CYP3A5: variants seen among roughly 807,000 people sequenced by gnomAD.
The protein encoded by CYP3A5 is cytochrome P450 family 3 subfamily A member 5.
Under a neutral mutation model 55.9 loss-of-function variants are expected in CYP3A5, and 51 were observed. That is an observed-to-expected ratio of 0.91 (90% CI 0.73 to 1.15). The LOEUF is 1.15. CYP3A5 is among the 50% of genes most tolerant of loss of function. CYP3A5 has a pLI of 0.00. For missense variants in CYP3A5, 533 were observed against 596.6 expected, an observed-to-expected ratio of 0.89 and a Z score of 1.11; for synonymous variants, 196 against 213.9, an observed-to-expected ratio of 0.92 and a Z score of 0.73.
At chr7:99,659,249 G>A (rs1395552007) in intron 10 of CYP3A5, 1 of 152,222 alleles carries the variant, frequency 6.6e-6, no homozygotes, top group East Asian at 1.9e-4. Flanking sequence ...GTACAGATGG[G>A]TTTTGGTGTG....
intron 6 of CYP3A5, among the ~76,000 whole-genome samples, chr7:99,665,945 C>T (rs1468496008): frequency 3.4e-4 from 51 of 152,154 alleles, no homozygotes; most frequent in Admixed American, 3.3e-3. Context: ...TAGATCTCTC[C>T]AACATTGATT....
At chr7:99,674,667 C>G in intron 2 of CYP3A5, 82 bp from the exon 3 acceptor site, 1 of 1,196,950 alleles carries the variant, frequency 8.4e-7, no homozygotes, top group African/African-American at 1.5e-5. Context: ...AAAACAGTTG[C>G]GTCCAATGAA....
intron 10 of CYP3A5, chr7:99,660,013 C>G (rs981892088): frequency 5.8e-6 from 1 of 171,338 alleles, no homozygotes; most frequent in Admixed American, 6.5e-5. Context: ...TTGCACTTCC[C>G]AGGTGAGGTG....
chr7:99,650,640 G>A (rs941684887), intron 11 of CYP3A5, among the ~76,000 whole-genome samples: 1 of 152,126 alleles, frequency 6.6e-6, no homozygotes, highest in Non-Finnish European at 1.5e-5. Flanking sequence ...AGGAGAAAAC[G>A]TCTTGTGCTA....
chr7:99,651,533 C>T (rs962259326), intron 11 of CYP3A5, among the ~76,000 whole-genome samples: 3 of 152,130 alleles, frequency 2.0e-5, no homozygotes, highest in Non-Finnish European at 4.4e-5. Flanking sequence ...ACTTGGTCAG[C>T]TCTGACTTAC....
rs760945831 is a variant in CYP3A5, at chr7:99,648,317, T to TA, written c.1496dup (p.Ser500LysfsTer30). On this transcript the variant is annotated frameshift_variant, in exon 13 of 13. Transcript: ENST00000222982. LOFTEE classifies it high-confidence loss of function. ...TCCTTAGAATAACTCATTCTCCACT[T>TA]AGGGTTCCATCTCTTGAATCCACCT... 1 of 1,612,864 alleles carries TA rather than the reference T, an allele frequency of 6.2e-7. No individual in the cohort carries two copies. Among genetic ancestry groups the TA allele is most frequent in the Non-Finnish European group, 8.5e-7 (1 of 1,179,202 alleles).
chr7:99,671,494 C>A, intron 4 of CYP3A5: 2 of 276,906 alleles, frequency 7.2e-6, no homozygotes, highest in Non-Finnish European at 6.8e-6. Context: ...GACAATATGC[C>A]TACCTTTCCA....
intron 9 of CYP3A5, among the ~76,000 whole-genome samples, chr7:99,661,823 G>T (rs1038713921): frequency 3.9e-5 from 6 of 152,202 alleles, no homozygotes; most frequent in African/African-American, 1.4e-4. Context: ...TAATTTTAAA[G>T]TTGGGAGCTC....
intron 7 of CYP3A5, 51 bp downstream of exon 7, chr7:99,665,115 C>A: frequency 6.9e-7 from 1 of 1,439,652 alleles, no homozygotes; most frequent in Non-Finnish European, 9.5e-7. Flanking sequence ...AATTATATGT[C>A]AAGAAAGCAG....
chr7:99,675,532 A>G (rs1163751743), intron 2 of CYP3A5, among the ~76,000 whole-genome samples: 1 of 151,290 alleles, frequency 6.6e-6, no homozygotes, highest in Non-Finnish European at 1.5e-5. Flanking sequence ...CCTTCTGGAC[A>G]TGAGCTTGTG....
intron 10 of CYP3A5, chr7:99,660,061 C>A (rs998645305): frequency 3.0e-6 from 1 of 332,880 alleles, no homozygotes; most frequent in East Asian, 1.7e-4. Flanking sequence ...GGGTGCACTG[C>A]ACCCACTGTC....
chr7:99,654,187 C>A (rs375393412), intron 10 of CYP3A5, among the ~76,000 whole-genome samples: 7 of 152,186 alleles, frequency 4.6e-5, no homozygotes, highest in African/African-American at 1.7e-4. Context: ...CCCATTAACT[C>A]GTCATTTAAC....
chr7:99,657,650 G>GT (rs1203891475), intron 10 of CYP3A5, among the ~76,000 whole-genome samples: 3 of 152,146 alleles, frequency 2.0e-5, no homozygotes, highest in Non-Finnish European at 2.9e-5. Flanking sequence ...TTAACTTTCT[G>GT]TCCTGTTGAT....
intron 8 of CYP3A5, chr7:99,663,722 C>G (rs901017473): frequency 3.6e-6 from 4 of 1,109,458 alleles, no homozygotes; most frequent in Non-Finnish European, 4.4e-6. Flanking sequence ...AATTTTATCT[C>G]AATACTGTTT....
At position 99,673,744 on chromosome 7, in the gene CYP3A5, A is replaced by G. The variant is rs1369123557; in HGVS notation, c.218+789T>C. 2.6e-5 allele frequency among the ~76,000 whole-genome samples: 4 copies of G among 152,232 alleles called. No homozygotes were observed. The East Asian group carries it at 7.7e-4, about 29-fold the overall frequency. On this transcript the variant is annotated intron_variant, in intron 3 of 12. Coordinates refer to ENST00000222982, the MANE Select transcript of CYP3A5 (RefSeq NM_000777.5). ...AAGGAGATGATGCCATGCATTTATGAGCACATATTAGAAGGGTCTGAGACA... is the reference window on the plus strand; with the variant it reads ...AAGGAGATGATGCCATGCATTTATGGGCACATATTAGAAGGGTCTGAGACA...
rs1812048780 is a variant in CYP3A5 at position 99,674,686 on chromosome 7, T to C, written c.166-101A>G. 3 of 923,652 alleles carry C rather than the reference T, an allele frequency of 3.2e-6. No individual in the cohort carries two copies. In the Admixed American group the frequency reaches 6.8e-5, roughly 21 times the overall value. The allele number at this position is 923,652 out of a possible 1,614,324, so 57.2% of individuals were successfully genotyped here. ...CAGTTGCGTCCAATGAAATCAGGCCTGCTATCTTTCACTGGCAGTTGAAGG... is the reference window on the plus strand; with the variant it reads ...CAGTTGCGTCCAATGAAATCAGGCCCGCTATCTTTCACTGGCAGTTGAAGG... On this transcript the variant is annotated intron_variant, in intron 2 of 12. Transcript: ENST00000222982.
rs745871984 is a variant in CYP3A5 at position 99,665,158 on chromosome 7, C to T, written c.670+8G>A. The T allele has an allele frequency of 1.3e-6, 2 of 1,598,774 alleles. No individual in the cohort carries two copies. The highest frequency in any genetic ancestry group is 1.7e-5 in the Admixed American group (1 of 59,034). ...TAAAAAGAGAGAAAGAAATAATAGC[C>T]CACATACTTATTGAGAGAAATAATG... On this transcript the variant is annotated splice_region_variant and intron_variant, in intron 7 of 12. Coordinates refer to ENST00000222982, the MANE Select transcript of CYP3A5 (RefSeq NM_000777.5).
At position 99,652,655 on chromosome 7, in the gene CYP3A5, T is replaced by C; in HGVS notation, c.1151A>G (p.Asn384Ser). ...ERTCKKDVEINGVFIPKGSMV... is the reference protein window; with the variant it reads ...ERTCKKDVEISGVFIPKGSMV... ...TGACCCTTTGGGAATGAATACCCCA[T>C]TGATTTCAACATCTTTCTTGCAAGT... The change falls in exon 11 of 13, where the codon AAT becomes AGT. Residue 384 changes from asparagine to serine, a missense_variant. Asn to Ser is a conservative substitution (Grantham distance 46, BLOSUM62 1). Transcript: ENST00000222982. 6.2e-7 allele frequency: 1 copy of C among 1,614,128 alleles called. No homozygotes were observed. The highest frequency in any genetic ancestry group is 8.5e-7 in the Non-Finnish European group (1 of 1,179,990).
At chr7:99,679,284 A>C (rs1812596433) in intron 1 of CYP3A5, among the ~76,000 whole-genome samples, 1 of 152,104 alleles carries the variant, frequency 6.6e-6, no homozygotes, top group Non-Finnish European at 1.5e-5. Flanking sequence ...GCTTCCCATG[A>C]AGTCTTGGTG....
Sources: gnomAD v4.1 joint callset for allele counts (sites outside exome capture counted in the v4.1 genomes callset) on GRCh38, gnomAD v4.1.1 for gene constraint, MANE v1.5 for transcripts, NCBI Gene and HGNC (gene_info 2026-07-23, HGNC 2026-07-21) for gene names.